TACR1: variants seen among roughly 807,000 people sequenced by gnomAD.
The protein encoded by TACR1 is substance-P receptor.
In TACR1, 25 loss-of-function variants were observed where a neutral mutation model predicts 35.8. The observed-to-expected ratio is 0.70, with a 90% CI of 0.51 to 0.98. The LOEUF is 0.98. TACR1 is among the 50% of genes least tolerant of loss of function. The pLI is 0.00. For missense variants in TACR1, 478 were observed against 522.9 expected (o/e 0.91, Z 0.84); for synonymous variants, 195 against 206.7 (o/e 0.94, Z 0.48).
At chr2:75,194,533 G>A (rs1251198520) in intron 1 of TACR1, among the ~76,000 whole-genome samples, 1 of 152,200 alleles carries the variant, frequency 6.6e-6, no homozygotes, top group East Asian at 1.9e-4. Context: ...ATAGAGACCT[G>A]GAAAGCAGGA....
intron 1 of TACR1, among the ~76,000 whole-genome samples, chr2:75,184,812 A>G (rs1395886910): frequency 3.3e-5 from 5 of 151,744 alleles, no homozygotes; most frequent in Admixed American, 6.6e-5. Flanking sequence ...TGTGGGATCT[A>G]TAGAAGAAAA....
At chr2:75,130,034 A>G (rs551940416) in intron 1 of TACR1, among the ~76,000 whole-genome samples, 1 of 152,248 alleles carries the variant, frequency 6.6e-6, no homozygotes, top group Admixed American at 6.5e-5. Context: ...GTGCAAGTGA[A>G]GAATTAAATC....
At chr2:75,142,145 T>A (rs1162014477) in intron 1 of TACR1, among the ~76,000 whole-genome samples, 2 of 152,170 alleles carry the variant, frequency 1.3e-5, no homozygotes, top group African/African-American at 4.8e-5. Flanking sequence ...GGAGAGGAGA[T>A]GAAGCTCAAT....
chr2:75,084,815 T>C (rs1335020262), intron 2 of TACR1, among the ~76,000 whole-genome samples: 2 of 152,244 alleles, frequency 1.3e-5, no homozygotes, highest in Non-Finnish European at 2.9e-5. Flanking sequence ...GATTCTTCTC[T>C]CTTTTCTTTT....
At chr2:75,056,436 G>T (rs889603990) in intron 2 of TACR1, among the ~76,000 whole-genome samples, 1 of 152,128 alleles carries the variant, frequency 6.6e-6, no homozygotes, top group Non-Finnish European at 1.5e-5. Flanking sequence ...CCTACACCCC[G>T]GAGCCTGCCG....
intron 1 of TACR1, among the ~76,000 whole-genome samples, chr2:75,146,264 A>G (rs57374478): frequency 0.075 from 11,451 of 152,182 alleles, 895 homozygotes; most frequent in African/African-American, 0.2. Context: ...CTGGGATTAC[A>G]GGCATGTGCC....
intron 2 of TACR1, among the ~76,000 whole-genome samples, chr2:75,109,757 G>C (rs1287857954): frequency 6.6e-6 from 1 of 152,176 alleles, no homozygotes; most frequent in Non-Finnish European, 1.5e-5. Flanking sequence ...AGAGGAAGCC[G>C]TGAAGAGCAG....
At chr2:75,197,988 A>C (rs1054683921) in intron 1 of TACR1, among the ~76,000 whole-genome samples, 10 of 152,100 alleles carry the variant, frequency 6.6e-5, no homozygotes, top group African/African-American at 1.9e-4. Context: ...CAAACAAACA[A>C]ACACAAACCA....
chr2:75,108,300 A>G (rs1271744003), intron 2 of TACR1, among the ~76,000 whole-genome samples: 1 of 152,150 alleles, frequency 6.6e-6, no homozygotes, highest in African/African-American at 2.4e-5. Context: ...TTAAAAGCAT[A>G]ACTTACCATG....
chr2:75,176,155 G>A (rs1463797259), intron 1 of TACR1, among the ~76,000 whole-genome samples: 1 of 151,780 alleles, frequency 6.6e-6, no homozygotes, highest in Non-Finnish European at 1.5e-5. Flanking sequence ...TGTGTCTGAT[G>A]TTCAATTTCC....
intron 2 of TACR1, among the ~76,000 whole-genome samples, chr2:75,072,114 G>A (rs1019361229): frequency 3.3e-5 from 5 of 152,182 alleles, no homozygotes; most frequent in African/African-American, 1.2e-4. Flanking sequence ...GAAAGACAAG[G>A]AGTCAATGGC....
intron 1 of TACR1, chr2:75,187,857 TCA>T (rs1399294062): frequency 6.6e-6 from 1 of 152,206 alleles, no homozygotes; most frequent in Non-Finnish European, 1.5e-5. Context: ...AGTCTTAGGA[TCA>T]CAGTGTCCTA....
chr2:75,118,220 T>C (rs1005045913), intron 2 of TACR1, among the ~76,000 whole-genome samples: 2 of 152,218 alleles, frequency 1.3e-5, no homozygotes, highest in Non-Finnish European at 2.9e-5. Context: ...AGAAAAATAA[T>C]ATAATGTATT....
chr2:75,110,369 G>A (rs746178563), intron 2 of TACR1, among the ~76,000 whole-genome samples: 53 of 151,470 alleles, frequency 3.5e-4, no homozygotes, highest in Middle Eastern at 6.8e-3. Flanking sequence ...TAAAAATGCA[G>A]TCAAGGCAAT....
intron 1 of TACR1, among the ~76,000 whole-genome samples, chr2:75,154,169 C>CGGGTCCT (rs1462733421): frequency 3.0e-4 from 45 of 152,052 alleles, no homozygotes; most frequent in African/African-American, 1.0e-3. Flanking sequence ...GCCTTCCTCC[C>CGGGTCCT]GGCTCCTGGC....
At chr2:75,061,094 C>A (rs925818946) in intron 2 of TACR1, among the ~76,000 whole-genome samples, 2 of 151,876 alleles carry the variant, frequency 1.3e-5, no homozygotes, top group African/African-American at 4.8e-5. Context: ...TGGGAGTCCT[C>A]ATGTGTCCAA....
chr2:75,088,885 C>T (rs1007535855), intron 2 of TACR1, among the ~76,000 whole-genome samples: 1 of 152,208 alleles, frequency 6.6e-6, no homozygotes, highest in African/African-American at 2.4e-5. Flanking sequence ...CTCTTCCCCA[C>T]AGCTCATCTG....
intron 2 of TACR1, among the ~76,000 whole-genome samples, chr2:75,088,106 T>G (rs1673224641): frequency 6.6e-6 from 1 of 152,168 alleles, no homozygotes; most frequent in South Asian, 2.1e-4. Context: ...ACAACCTATT[T>G]CTTTTGAGTT....
At chr2:75,155,350 C>A (rs1013332381) in intron 1 of TACR1, among the ~76,000 whole-genome samples, 1 of 152,130 alleles carries the variant, frequency 6.6e-6, no homozygotes, top group Non-Finnish European at 1.5e-5. Flanking sequence ...GCAACCTTGG[C>A]TCATCTTTCT....
Sources: allele counts gnomAD v4.1 joint callset (sites outside exome capture counted in the v4.1 genomes callset), GRCh38; gene constraint gnomAD v4.1.1; transcripts MANE v1.5; gene names NCBI Gene and HGNC (gene_info 2026-07-23, HGNC 2026-07-21).